The following TANC1 variants were observed in gnomAD, a reference collection of about 807,000 sequenced individuals.
The protein encoded by TANC1 is protein TANC1.
A neutral mutation model predicts 149.7 loss-of-function variants in TANC1; 77 were observed. The observed-to-expected ratio is 0.51, with a 90% CI of 0.43 to 0.62. The LOEUF (loss-of-function observed/expected upper bound fraction) is 0.62. Ranked by LOEUF, TANC1 falls within the 20% of genes least tolerant of loss-of-function variation. The pLI, the probability that TANC1 is intolerant of heterozygous loss-of-function variation, is 0.00. For missense variants in TANC1, 1,985 were observed against 2,321.8 expected, an observed-to-expected ratio of 0.85 and a Z score of 2.98; for synonymous variants, 854 against 925.0, an observed-to-expected ratio of 0.92 and a Z score of 1.39.
At chr2:159,154,803 G>T (rs984794735) in intron 7 of TANC1, among the ~76,000 whole-genome samples, 9 of 152,076 alleles carry the variant, frequency 5.9e-5, no homozygotes, top group African/African-American at 2.2e-4. Context: ...GTTGGTGTCT[G>T]ATTTTCAAAT....
intron 2 of TANC1, among the ~76,000 whole-genome samples, chr2:159,009,424 A>G (rs140627575): frequency 6.6e-6 from 1 of 152,250 alleles, no homozygotes; most frequent in Non-Finnish European, 1.5e-5. Context: ...GCCATAAAAA[A>G]GACATTCTAT....
At position 159,162,832 on chromosome 2, in the gene TANC1, C is replaced by T. The variant is rs1027115380; in HGVS notation, c.683-451C>T. On this transcript the variant is annotated intron_variant, in intron 7 of 26. Coordinates refer to ENST00000263635, the MANE Select transcript of TANC1 (RefSeq NM_033394.3). The stretch of plus-strand genomic sequence containing the variant: ...TGTTTCTAAAGATTTTCTCCTGCAC[C>T]GTTTCTGCATTAACCATTCTGTTGT... Among the ~76,000 whole-genome samples, 6 of 152,230 alleles carry T rather than the reference C, an allele frequency of 3.9e-5. No homozygotes were observed. In the South Asian group the frequency reaches 6.2e-4, roughly 16 times the overall value.
chr2:159,144,295 T>C (rs2051795420), intron 5 of TANC1, among the ~76,000 whole-genome samples: 1 of 152,218 alleles, frequency 6.6e-6, no homozygotes, highest in African/African-American at 2.4e-5. Context: ...GTAACCTGCA[T>C]GATAACTATG....
chr2:159,171,504 G>T lies in TANC1; in HGVS notation c.1352-617G>T, dbSNP rs542599900. On this transcript the variant is annotated intron_variant, in intron 10 of 26. Transcript: ENST00000263635. ...CCAGTCATAGTGGTGCCTGCCTTTTGTCCCAGCTACTCAGGAGGCTGAGGT... is the reference window on the plus strand; with the variant it reads ...CCAGTCATAGTGGTGCCTGCCTTTTTTCCCAGCTACTCAGGAGGCTGAGGT... 1.2e-3 allele frequency among the ~76,000 whole-genome samples: 181 copies of T among 151,774 alleles called. 2 individuals are homozygous for T. The highest frequency in any genetic ancestry group is 4.1e-3 in the Admixed American group (63 of 15,242).
intron 19 of TANC1, among the ~76,000 whole-genome samples, chr2:159,201,433 C>G (rs1408057505): frequency 3.9e-5 from 6 of 152,200 alleles, no homozygotes; most frequent in African/African-American, 1.4e-4. Flanking sequence ...TGGGTCAGCT[C>G]ACAGTCCTGG....
intron 3 of TANC1, among the ~76,000 whole-genome samples, chr2:159,073,144 T>G (rs1039986641): frequency 4.6e-5 from 7 of 152,232 alleles, no homozygotes; most frequent in African/African-American, 1.4e-4. Context: ...TAAGTACAGT[T>G]TATAAAATGT....
At chr2:159,212,919 CAAAA>C (rs35369711) in intron 19 of TANC1, among the ~76,000 whole-genome samples, 20 of 114,982 alleles carry the variant, frequency 1.7e-4, no homozygotes, top group Middle Eastern at 4.5e-3. Context: ...GACACCGTCT[CAAAA>C]AAAAAAAAAA....
chr2:159,171,856 TAAAAAAAA>T (rs1167819599), intron 10 of TANC1, among the ~76,000 whole-genome samples: 2 of 16,886 alleles, frequency 1.2e-4, no homozygotes, highest in East Asian at 4.0e-3. Context: ...GACTCCGCCT[TAAAAAAAA>T]AAAAAAAAAA....
intron 1 of TANC1, among the ~76,000 whole-genome samples, chr2:158,980,369 G>A (rs1267745626): frequency 6.6e-6 from 1 of 151,634 alleles, no homozygotes; most frequent in Non-Finnish European, 1.5e-5. Flanking sequence ...AAATCAAATC[G>A]CAGACATCAT....
intron 21 of TANC1, 86 bp from the exon 22 acceptor site, chr2:159,219,606 C>T (rs1414219914): frequency 4.6e-6 from 7 of 1,523,302 alleles, no homozygotes; most frequent in Non-Finnish European, 6.4e-6. Flanking sequence ...TGGTTCAGGC[C>T]GGGTGTTCCG....
intron 2 of TANC1, among the ~76,000 whole-genome samples, chr2:159,009,150 C>T (rs970796107): frequency 7.2e-5 from 11 of 151,960 alleles, no homozygotes; most frequent in East Asian, 1.9e-4. Context: ...AAACTATGTA[C>T]GTTAATTAGA....
chr2:159,021,763 AT>A (rs892511613), intron 2 of TANC1, among the ~76,000 whole-genome samples: 2 of 152,186 alleles, frequency 1.3e-5, no homozygotes, highest in African/African-American at 4.8e-5. Context: ...CTTTGGTTAA[AT>A]TTTTTTCTCA....
In TANC1 at chr2:159,104,536, G is replaced by A. The variant is rs1307327562; in HGVS notation, c.259+6702G>A. On this transcript the variant is annotated intron_variant, in intron 4 of 26. Transcript: ENST00000263635. ...TTATCTCATATAATTGCTTTTTCAT[G>A]AGGACAAATATATGTGTATATATTT... Among the ~76,000 whole-genome samples, 2 of 94,614 alleles carry A rather than the reference G, an allele frequency of 2.1e-5. 1 individual carries two copies. Among genetic ancestry groups the A allele is most frequent in the African/African-American group, 5.9e-5 (2 of 34,088 alleles). 62.1% of individuals were successfully genotyped at this position (94,614 alleles called of 152,430 possible).
chr2:159,161,048 C>A (rs2150388370), intron 7 of TANC1, among the ~76,000 whole-genome samples: 1 of 152,246 alleles, frequency 6.6e-6, no homozygotes, highest in East Asian at 1.9e-4. Flanking sequence ...CACCTTCCAC[C>A]TGTCCTGCCA....
At chr2:159,187,432 A>G (rs1303773455) in intron 16 of TANC1, among the ~76,000 whole-genome samples, 1 of 152,242 alleles carries the variant, frequency 6.6e-6, no homozygotes, top group Admixed American at 6.5e-5. Flanking sequence ...AGATAAGTAC[A>G]CAGAAAAACA....
chr2:159,177,476 A>G (rs1274132127), intron 13 of TANC1, among the ~76,000 whole-genome samples: 2 of 152,204 alleles, frequency 1.3e-5, no homozygotes, highest in African/African-American at 4.8e-5. Flanking sequence ...CATTATAAAA[A>G]CTGAAATTAG....
At chr2:159,084,372 TC>T (rs1422535441) in intron 3 of TANC1, among the ~76,000 whole-genome samples, 10 of 152,216 alleles carry the variant, frequency 6.6e-5, no homozygotes, top group African/African-American at 2.4e-4. Flanking sequence ...TCTGCTTTTT[TC>T]TAGAATGTGA....
At chr2:159,070,406 T>A (rs1311879973) in intron 3 of TANC1, among the ~76,000 whole-genome samples, 1 of 152,208 alleles carries the variant, frequency 6.6e-6, no homozygotes, top group Non-Finnish European at 1.5e-5. Context: ...TGAACCTACA[T>A]TGACACATTA....
intron 10 of TANC1, among the ~76,000 whole-genome samples, chr2:159,171,512 T>G (rs561117284): frequency 4.0e-5 from 6 of 151,828 alleles, no homozygotes; most frequent in African/African-American, 1.5e-4. Context: ...TTGTCCCAGC[T>G]ACTCAGGAGG....
Sources: gnomAD v4.1 joint callset for allele counts (sites outside exome capture counted in the v4.1 genomes callset) on GRCh38, gnomAD v4.1.1 for gene constraint, MANE v1.5 for transcripts, NCBI Gene and HGNC (gene_info 2026-07-23, HGNC 2026-07-21) for gene names.